The following TNIP3 variants were observed in gnomAD, a reference collection of about 807,000 sequenced individuals.
TNIP3 encodes the protein TNFAIP3-interacting protein 3.
In TNIP3, 34 loss-of-function variants were observed where a neutral mutation model predicts 54.1. The ratio of observed to expected loss-of-function variants is 0.63; its 90% CI spans 0.48 to 0.84. The LOEUF (loss-of-function observed/expected upper bound fraction) is 0.84, where lower values mean the gene tolerates loss of function less well. TNIP3 is among the 40% of genes least tolerant of loss of function. The pLI is 0.00. For missense variants in TNIP3, 366 were observed against 387.6 expected (o/e 0.94, Z 0.47); for synonymous variants, 134 against 136.8 (o/e 0.98, Z 0.14).
intron 5 of TNIP3, among the ~76,000 whole-genome samples, chr4:121,150,636 T>C (rs1049261537): frequency 1.3e-5 from 2 of 152,214 alleles, no homozygotes. Flanking sequence ...CCAGAGATGA[T>C]GAATCAGTAG....
chr4:121,146,595 T>C (rs1398010564), intron 7 of TNIP3, among the ~76,000 whole-genome samples: 3 of 152,210 alleles, frequency 2.0e-5, no homozygotes, highest in Admixed American at 1.3e-4. Context: ...CCAGTTACAT[T>C]ACATCTGGGA....
intron 2 of TNIP3, among the ~76,000 whole-genome samples, chr4:121,198,401 T>C (rs1725713819): frequency 6.6e-6 from 1 of 152,184 alleles, no homozygotes. Flanking sequence ...GGCATTTAGA[T>C]TGTTTGCTTA....
Position 121,161,160 on chromosome 4 carries a change from C to T in TNIP3, c.123G>A (p.Arg41=), listed in dbSNP as rs1274826100. Residue 41 remains arginine (R), a synonymous_variant, in exon 2 of 11, where the codon AGG becomes AGA. Coordinates refer to ENST00000057513, the MANE Select transcript of TNIP3 (RefSeq NM_024873.6). ...NLMNSLEQKI[R]CLEKQRKELL... ...CCTCTTTTCTTTGTTTTTCCAAACA[C>T]CTTATCTTTTGTTCAAGAGAATTCA... 1.3e-6 allele frequency: 2 copies of T among 1,586,922 alleles called. No homozygotes were observed. The highest frequency in any genetic ancestry group is 1.7e-6 in the Non-Finnish European group (2 of 1,163,274).
intron 3 of TNIP3, among the ~76,000 whole-genome samples, chr4:121,169,783 T>G (rs779621172): frequency 1.3e-5 from 2 of 152,234 alleles, no homozygotes; most frequent in Admixed American, 6.5e-5. Context: ...AATCGGGGAA[T>G]GGGGTGTCAC....
At chr4:121,161,077 A>G in intron 2 of TNIP3, 59 bp downstream of exon 2, 1 of 1,278,676 alleles carries the variant, frequency 7.8e-7, no homozygotes, top group South Asian at 1.3e-5. Context: ...ATAATACATT[A>G]TTTTATCCTC....
At chr4:121,223,540 GT>G (rs1727130150) in intron 1 of TNIP3, among the ~76,000 whole-genome samples, 1 of 152,154 alleles carries the variant, frequency 6.6e-6, no homozygotes, top group Admixed American at 6.5e-5. Flanking sequence ...TTTCCAGTGA[GT>G]TTTGAATATC....
intron 2 of TNIP3, among the ~76,000 whole-genome samples, chr4:121,194,986 G>T (rs1725498387): frequency 6.6e-6 from 1 of 152,060 alleles, no homozygotes; most frequent in South Asian, 2.1e-4. Flanking sequence ...TGGTCAACAT[G>T]GCAAAACCCT....
At chr4:121,167,421 G>C (rs955087172), upstream of TNIP3, among the ~76,000 whole-genome samples, 6 of 152,158 alleles carry the variant, frequency 3.9e-5, no homozygotes, top group Non-Finnish European at 7.3e-5. Context: ...TTGAAGGGTA[G>C]ATAGGATTTT....
intron 2 of TNIP3, among the ~76,000 whole-genome samples, chr4:121,185,566 G>A (rs527864495): frequency 6.7e-6 from 1 of 149,814 alleles, no homozygotes; most frequent in East Asian, 1.9e-4. Context: ...GCACACAGTA[G>A]GACATCAATA....
chr4:121,160,578 ACATT>A (rs1259830352), intron 2 of TNIP3, among the ~76,000 whole-genome samples: 1 of 152,220 alleles, frequency 6.6e-6, no homozygotes, highest in Non-Finnish European at 1.5e-5. Context: ...AGAGGTTCTA[ACATT>A]CATTAAGCTC....
chr4:121,158,583 A>C lies in TNIP3; in HGVS notation c.213+104T>G. The C allele has an allele frequency of 7.8e-6, 7 of 898,470 alleles. No individual in the cohort carries two copies. The South Asian group carries it at 1.0e-4, about 13-fold the overall frequency. 55.7% of individuals were successfully genotyped at this position (898,470 alleles called of 1,614,324 possible). ...TCCCGTCATTTTCCAACAGTTGGCT[A>C]TCCACAAAGCTCTTTGTAGCTGAAA... On this transcript the variant is annotated intron_variant, in intron 3 of 10. Transcript: ENST00000057513.
In TNIP3 at chr4:121,141,854, T is replaced by C. The variant is rs1019922290; in HGVS notation, c.847A>G (p.Thr283Ala). 4 of 1,600,498 alleles carry C rather than the reference T, an allele frequency of 2.5e-6. No individual in the cohort carries two copies. The African/African-American group carries it at 4.0e-5, about 16-fold the overall frequency. The change falls in exon 9 of 11, where the codon ACA becomes GCA. Residue 283 changes from threonine to alanine, a missense_variant. Coordinates refer to ENST00000057513, the MANE Select transcript of TNIP3 (RefSeq NM_024873.6). ...TGCTTCTGCACAGCTCCAGGGCCTG[T>C]TGGTACCCATGGATCTTGCAGGTGG... ...VFHLQDPWVP[T>A]GPGAVQKQRE... is the part of the protein sequence containing the mutation.
At chr4:121,226,947 GCTTA>G (rs1335730515) in intron 1 of TNIP3, among the ~76,000 whole-genome samples, 1 of 18,512 alleles carries the variant, frequency 5.4e-5, no homozygotes, top group Non-Finnish European at 2.2e-4. Flanking sequence ...TCTGCTCATT[GCTTA>G]ATCAAGATTG....
At chr4:121,203,485 G>T (rs900351183) in intron 2 of TNIP3, among the ~76,000 whole-genome samples, 1 of 152,070 alleles carries the variant, frequency 6.6e-6, no homozygotes, top group African/African-American at 2.4e-5. Context: ...TGGGACAGGG[G>T]TGAGGGATAA....
upstream of TNIP3, among the ~76,000 whole-genome samples, chr4:121,217,688 A>G (rs970463998): frequency 6.6e-6 from 1 of 152,222 alleles, no homozygotes; most frequent in Non-Finnish European, 1.5e-5. Context: ...AGAGGAAACC[A>G]AGTGATAACC....
intron 2 of TNIP3, among the ~76,000 whole-genome samples, chr4:121,190,967 C>A (rs1354819686): frequency 1.3e-5 from 2 of 152,078 alleles, no homozygotes; most frequent in African/African-American, 4.8e-5. Context: ...ACTCTCACTA[C>A]CATTTATTCC....
intron 2 of TNIP3, among the ~76,000 whole-genome samples, chr4:121,197,531 C>CAAAAAAA: frequency 1.6e-5 from 1 of 64,260 alleles, no homozygotes; most frequent in Non-Finnish European, 3.5e-5. Flanking sequence ...GACTCTGTCT[C>CAAAAAAA]AAAAAAAAAA....
At chr4:121,167,456 A>C (rs938628703), upstream of TNIP3, among the ~76,000 whole-genome samples, 6 of 152,182 alleles carry the variant, frequency 3.9e-5, no homozygotes, top group African/African-American at 7.2e-5. Flanking sequence ...GCTGAGCTAT[A>C]AATGCTGCAA....
intron 1 of TNIP3, among the ~76,000 whole-genome samples, chr4:121,163,313 T>C (rs1730569513): frequency 6.6e-6 from 1 of 152,136 alleles, no homozygotes; most frequent in African/African-American, 2.4e-5. Context: ...AATACAAAGG[T>C]TTGGGGGACC....
Sources: gnomAD v4.1 joint callset for allele counts (sites outside exome capture counted in the v4.1 genomes callset) on GRCh38, gnomAD v4.1.1 for gene constraint, MANE v1.5 for transcripts, NCBI Gene and HGNC (gene_info 2026-07-23, HGNC 2026-07-21) for gene names.